The following LARP4B variants were observed in gnomAD, a reference collection of about 807,000 sequenced individuals.
The protein encoded by LARP4B is la-related protein 4B.
LARP4B carries 12 observed loss-of-function variants against 89.8 expected under a neutral mutation model. The ratio of observed to expected loss-of-function variants is 0.13; its 90% CI spans 0.09 to 0.22. The LOEUF is 0.22. Among genes scored for constraint, LARP4B ranks in the 10% least tolerant of loss-of-function variants. The pLI, the probability that LARP4B is intolerant of heterozygous loss-of-function variation, is 1.00. For missense variants in LARP4B, 757 were observed against 947.7 expected, an observed-to-expected ratio of 0.80 and a Z score of 2.64; for synonymous variants, 367 against 363.3, an observed-to-expected ratio of 1.01 and a Z score of -0.12.
At position 870,328 on chromosome 10, in the gene LARP4B, G is replaced by A. The variant is rs12267422; in HGVS notation, c.142-6058C>T. 1.8e-3 allele frequency among the ~76,000 whole-genome samples: 271 copies of A among 152,274 alleles called. 1 individual carries two copies. The highest frequency in any genetic ancestry group is 6.4e-3 in the African/African-American group (267 of 41,554). On this transcript the variant is annotated intron_variant, in intron 3 of 17. Coordinates refer to ENST00000316157, the MANE Select transcript of LARP4B (RefSeq NM_015155.3). ...GGAAACTCTGCCAATCCACTTTTGA[G>A]GGATGTTCACATCTATTTAGGACAC... is the stretch of plus-strand genomic sequence containing the variant.
the LARP4B span, among the ~76,000 whole-genome samples, chr10:938,842 G>A: frequency 1.3e-5 from 2 of 152,178 alleles, no homozygotes; most frequent in Non-Finnish European, 1.5e-5. Flanking sequence ...GAGTTATCTT[G>A]TAGAGACACA....
chr10:963,381 T>C, the LARP4B span, among the ~76,000 whole-genome samples: 6 of 152,330 alleles, frequency 3.9e-5, no homozygotes, highest in East Asian at 1.2e-3. Flanking sequence ...TTCCTTGACA[T>C]GTGCTCTGAG....
At chr10:930,386 A>G (rs184660733) in intron 1 of LARP4B, among the ~76,000 whole-genome samples, 15 of 152,306 alleles carry the variant, frequency 9.8e-5, no homozygotes, top group Non-Finnish European at 2.9e-5. Context: ...AAAACTTCAA[A>G]CTTCCAATTT....
At chr10:888,339 A>AC (rs1397708017) in intron 1 of LARP4B, among the ~76,000 whole-genome samples, 10 of 139,312 alleles carry the variant, frequency 7.2e-5, no homozygotes, top group Admixed American at 5.6e-4. Context: ...CAAACAAACA[A>AC]AAAAAAAAAA....
At chr10:835,385 G>C (rs1013622880) in intron 8 of LARP4B, among the ~76,000 whole-genome samples, 1 of 152,188 alleles carries the variant, frequency 6.6e-6, no homozygotes, top group African/African-American at 2.4e-5. Context: ...AAGGTGTGTG[G>C]AAAGAGGTAG....
At chr10:889,496 G>A (rs1835954133) in intron 1 of LARP4B, among the ~76,000 whole-genome samples, 3 of 152,210 alleles carry the variant, frequency 2.0e-5, no homozygotes. Flanking sequence ...CAGACATGGA[G>A]AGAACGTGCC....
At chr10:808,669 G>A (rs552923583), downstream of LARP4B, 2 of 151,962 alleles carry the variant, frequency 1.3e-5, no homozygotes, top group Non-Finnish European at 1.5e-5. Flanking sequence ...GTAAAACTGG[G>A]TTCCTGCCTA....
At chr10:945,973 G>C in the LARP4B span, among the ~76,000 whole-genome samples, 6 of 152,206 alleles carry the variant, frequency 3.9e-5, no homozygotes, top group South Asian at 6.2e-4. Context: ...TGGCCCCCTG[G>C]TCTCAGACTC....
Position 817,870 on chromosome 10 carries a change from G to A in LARP4B, c.1550C>T (p.Pro517Leu), listed in dbSNP as rs1832145934. Residue 517 changes from proline to leucine, a missense_variant, in exon 15 of 18, where the codon CCA becomes CTA. Pro to Leu is a moderately conservative substitution (Grantham distance 98). This residue lies in a region of LARP4B where 387 missense variants were observed against 423.6 expected (regional missense o/e 0.91). Coordinates refer to ENST00000316157, the MANE Select transcript of LARP4B (RefSeq NM_015155.3). The part of the protein sequence containing the change: ...EKFTSSQTQS[P>L]TPPKPPSPSF... ...TGGCGACGGAGGCTTTGGTGGCGTTGGAGACTGTGTCTGGCTGCTCTGCAA... is the reference window on the plus strand; with the variant it reads ...TGGCGACGGAGGCTTTGGTGGCGTTAGAGACTGTGTCTGGCTGCTCTGCAA... 1.9e-6 allele frequency: 3 copies of A among 1,613,906 alleles called. No homozygotes were observed. The highest frequency in any genetic ancestry group is 2.5e-6 in the Non-Finnish European group (3 of 1,179,910).
chr10:931,109 G>C (rs1250132467), intron 1 of LARP4B, among the ~76,000 whole-genome samples: 1 of 150,604 alleles, frequency 6.6e-6, no homozygotes, highest in African/African-American at 2.4e-5. Flanking sequence ...CTAAGCCCCG[G>C]CCCCGGCCTT....
chr10:894,960 G>A (rs1056197802), intron 1 of LARP4B, among the ~76,000 whole-genome samples: 2 of 152,164 alleles, frequency 1.3e-5, no homozygotes, highest in Non-Finnish European at 2.9e-5. Flanking sequence ...CAAGGCGGGC[G>A]GACTGCCTGA....
chr10:926,129 A>G (rs1452168113), intron 1 of LARP4B, among the ~76,000 whole-genome samples: 2 of 152,200 alleles, frequency 1.3e-5, no homozygotes, highest in Non-Finnish European at 2.9e-5. Context: ...TACTTTCACT[A>G]AACATCTACA....
chr10:827,383 TTTTACAGACAGAG>T (rs1192828673), intron 11 of LARP4B, among the ~76,000 whole-genome samples: 7 of 152,190 alleles, frequency 4.6e-5, no homozygotes, highest in Non-Finnish European at 8.8e-5. Context: ...CAGCAAGTCA[TTTTACAGACAGAG>T]CCCTGATATT....
At chr10:807,729 C>G (rs1260622041), downstream of LARP4B, 1 of 152,478 alleles carries the variant, frequency 6.6e-6, no homozygotes, top group Non-Finnish European at 1.5e-5. Flanking sequence ...ACATCACACA[C>G]TTGGATATGG....
intron 1 of LARP4B, among the ~76,000 whole-genome samples, chr10:892,115 GCCGA>G (rs774965590): frequency 6.6e-6 from 1 of 152,222 alleles, no homozygotes; most frequent in Non-Finnish European, 1.5e-5. Flanking sequence ...CTTCCACACA[GCCGA>G]CCAAGGAGTT....
chr10:854,576 G>GT (rs1023334289), intron 5 of LARP4B, among the ~76,000 whole-genome samples: 202 of 146,300 alleles, frequency 1.4e-3, no homozygotes, highest in Middle Eastern at 3.5e-3. Flanking sequence ...AAATATCTTT[G>GT]TTTTTTTTTT....
intron 8 of LARP4B, among the ~76,000 whole-genome samples, chr10:835,524 C>G (rs1457580095): frequency 6.6e-6 from 1 of 152,214 alleles, no homozygotes; most frequent in Non-Finnish European, 1.5e-5. Flanking sequence ...TTGCCAGCAC[C>G]TTCTACAAAG....
intron 5 of LARP4B, among the ~76,000 whole-genome samples, chr10:847,582 G>A (rs1040536468): frequency 9.2e-5 from 14 of 151,564 alleles, no homozygotes; most frequent in Admixed American, 2.0e-4. Flanking sequence ...GCAGTAGCGC[G>A]ATCTTGCAAC....
the LARP4B span, among the ~76,000 whole-genome samples, chr10:974,728 A>G: frequency 6.6e-6 from 1 of 152,234 alleles, no homozygotes; most frequent in Non-Finnish European, 1.5e-5. Context: ...AAGTTCAACA[A>G]GATGTAGTTT....
Sources: gnomAD v4.1 joint callset for allele counts (sites outside exome capture counted in the v4.1 genomes callset) on GRCh38, gnomAD v4.1.1 for gene constraint, gnomAD v4.1.1 regional missense constraint, MANE v1.5 for transcripts, NCBI Gene and HGNC (gene_info 2026-07-23, HGNC 2026-07-21) for gene names.